The following WHRN variants were observed in gnomAD, a reference collection of about 807,000 sequenced individuals.
WHRN encodes CASK-interacting protein CIP98.
Under a neutral mutation model 68.3 loss-of-function variants are expected in WHRN, and 41 were observed. That is an observed-to-expected ratio of 0.60 (90% confidence interval 0.47 to 0.78). WHRN has a LOEUF of 0.78. Among genes scored for constraint, WHRN ranks in the 30% least tolerant of loss-of-function variants. The pLI is 0.00. For missense variants in WHRN, 1,243 were observed against 1,244.7 expected, an observed-to-expected ratio of 1.00 and a Z score of 0.02; for synonymous variants, 560 against 561.3, an observed-to-expected ratio of 1.00 and a Z score of 0.03.
At chr9:114,429,209 G>A (rs1005090900) in intron 3 of WHRN, among the ~76,000 whole-genome samples, 20 of 152,198 alleles carry the variant, frequency 1.3e-4, no homozygotes, top group African/African-American at 4.8e-4. Flanking sequence ...GGGATTACAG[G>A]CGTGAGCCAC....
At chr9:114,481,443 A>G (rs1842086499) in intron 1 of WHRN, among the ~76,000 whole-genome samples, 1 of 152,240 alleles carries the variant, frequency 6.6e-6, no homozygotes, top group Non-Finnish European at 1.5e-5. Context: ...ATCCCTGTTA[A>G]GGTGAAGAGG....
chr9:114,466,156 C>A, intron 3 of WHRN, 111 bp downstream of exon 3: 1 of 1,552,768 alleles, frequency 6.4e-7, no homozygotes, highest in Non-Finnish European at 8.8e-7. Flanking sequence ...GGCTCCCCAG[C>A]TGGGACCAGT....
chr9:114,441,508 G>A (rs143747886), intron 3 of WHRN, among the ~76,000 whole-genome samples: 4 of 152,314 alleles, frequency 2.6e-5, no homozygotes, highest in African/African-American at 7.2e-5. Flanking sequence ...AGAATGGCTG[G>A]TTCCAAGGCT....
intron 4 of WHRN, chr9:114,425,269 C>T: frequency 1.5e-6 from 1 of 652,150 alleles, no homozygotes; most frequent in Admixed American, 2.2e-5. Context: ...GAGGTGGGCT[C>T]CTGAGTTGTT....
chr9:114,435,900 AAAACACT>A (rs1837808783), intron 3 of WHRN, among the ~76,000 whole-genome samples: 1 of 152,116 alleles, frequency 6.6e-6, no homozygotes, highest in Non-Finnish European at 1.5e-5. Context: ...AAAACACTCT[AAAACACT>A]CAAAATTACT....
chr9:114,485,085 CA>C (rs1013332509), intron 1 of WHRN, among the ~76,000 whole-genome samples: 16 of 152,076 alleles, frequency 1.1e-4, no homozygotes, highest in African/African-American at 3.9e-4. Context: ...AGAGGTATTC[CA>C]AAAAAGTCTC....
At chr9:114,470,822 A>G (rs1339647854) in intron 2 of WHRN, among the ~76,000 whole-genome samples, 1 of 129,142 alleles carries the variant, frequency 7.7e-6, no homozygotes, top group East Asian at 2.5e-4. Context: ...CCCCCGCCCC[A>G]CCCCACCCCG....
At chr9:114,408,331 CCA>C (rs1207912865) in intron 7 of WHRN, among the ~76,000 whole-genome samples, 2 of 152,168 alleles carry the variant, frequency 1.3e-5, no homozygotes, top group African/African-American at 4.8e-5. Flanking sequence ...GCGCTGTGCT[CCA>C]CAGTCATGCC....
At chr9:114,437,718 A>G (rs1837988490) in intron 3 of WHRN, among the ~76,000 whole-genome samples, 2 of 152,382 alleles carry the variant, frequency 1.3e-5, no homozygotes, top group South Asian at 4.1e-4. Context: ...TGAACTGGCC[A>G]ACACGTTGAC....
At chr9:114,451,839 T>C (rs1310496652) in intron 3 of WHRN, among the ~76,000 whole-genome samples, 3 of 152,232 alleles carry the variant, frequency 2.0e-5, no homozygotes, top group Admixed American at 1.3e-4. Context: ...CTTCTTCCTA[T>C]TAACTGTGTG....
At chr9:114,439,635 T>TAC (rs145609836) in intron 3 of WHRN, among the ~76,000 whole-genome samples, 93,352 of 151,914 alleles carry the variant, frequency 0.61, 30,661 homozygotes, top group Middle Eastern at 0.77. Context: ...TACACACACA[T>TAC]AGATATATGT....
rs565877550 is a variant in WHRN, at chr9:114,489,935, A to G, written c.619-11164T>C. 1.4e-3 allele frequency among the ~76,000 whole-genome samples: 213 copies of G among 152,358 alleles called. 1 individual carries two copies. The highest frequency in any genetic ancestry group is 5.0e-3 in the African/African-American group (208 of 41,570). On this transcript the variant is annotated intron_variant, in intron 1 of 11. Transcript: ENST00000362057. Reference sequence around the variant, plus strand: ...TCATTTGTAAACATTCTCTTAAACAAAAGTCCAAAAATTGTTATTCTTATA... The same window carrying G: ...TCATTTGTAAACATTCTCTTAAACAGAAGTCCAAAAATTGTTATTCTTATA...
At position 114,466,341 on chromosome 9, in the gene WHRN, C is replaced by A; in HGVS notation, c.889G>T (p.Gly297Ter). Residue 297 changes from glycine (G) to a stop codon, truncating the protein, a stop_gained, in exon 3 of 12, where the codon GGA (glycine) becomes TGA (stop). Transcript: ENST00000362057. LOFTEE classifies it high-confidence loss of function. The stretch of plus-strand genomic sequence containing the variant: ...TAAATGCCAAGGCCGTACTCAGCTC[C>A]CCCACGGATCGTGAGGCCCAGGGAC... ...GRSLGLTIRG[G>*]AEYGLGIYIT... 1 of 1,614,160 alleles carries A rather than the reference C, an allele frequency of 6.2e-7. No individual in the cohort carries two copies. Among genetic ancestry groups the A allele is most frequent in the Non-Finnish European group, 8.5e-7 (1 of 1,180,038 alleles).
At chr9:114,441,349 G>A (rs1490083637) in intron 3 of WHRN, among the ~76,000 whole-genome samples, 1 of 152,194 alleles carries the variant, frequency 6.6e-6, no homozygotes, top group Non-Finnish European at 1.5e-5. Context: ...AGGGGTGACT[G>A]TATGTACAAA....
At chr9:114,484,081 G>A (rs894893917) in intron 1 of WHRN, among the ~76,000 whole-genome samples, 2 of 152,192 alleles carry the variant, frequency 1.3e-5, no homozygotes, top group African/African-American at 4.8e-5. Flanking sequence ...GGGCTCTGAG[G>A]TTCCACAGGG....
At chr9:114,458,866 T>C (rs1279454773) in intron 3 of WHRN, among the ~76,000 whole-genome samples, 1 of 152,216 alleles carries the variant, frequency 6.6e-6, no homozygotes, top group African/African-American at 2.4e-5. Context: ...GTGATTATTC[T>C]AGGCTGGGCA....
chr9:114,488,906 T>TA (rs1842747684), intron 1 of WHRN, among the ~76,000 whole-genome samples: 5 of 152,110 alleles, frequency 3.3e-5, no homozygotes, highest in Admixed American at 2.0e-4. Flanking sequence ...TTATAAAACA[T>TA]ACGTGGACTC....
At chr9:114,446,469 G>T (rs1490237502) in intron 3 of WHRN, among the ~76,000 whole-genome samples, 6 of 152,238 alleles carry the variant, frequency 3.9e-5, no homozygotes, top group Middle Eastern at 3.4e-3. Context: ...CCACTGATTT[G>T]CACACTTTAA....
intron 7 of WHRN, 66 bp downstream of exon 7, chr9:114,423,248 A>G: frequency 6.5e-7 from 1 of 1,543,632 alleles, no homozygotes; most frequent in South Asian, 1.1e-5. Flanking sequence ...GGCTGGTCTC[A>G]CTCCAAAGCC....
Sources: gnomAD v4.1 joint callset for allele counts (sites outside exome capture counted in the v4.1 genomes callset) on GRCh38, gnomAD v4.1.1 for gene constraint, MANE v1.5 for transcripts, NCBI Gene and HGNC (gene_info 2026-07-23, HGNC 2026-07-21) for gene names.